The following PSKH1 variants were observed in gnomAD, a reference collection of about 807,000 sequenced individuals.
PSKH1 encodes protein serine kinase H1.
Under a neutral mutation model 26.7 loss-of-function variants are expected in PSKH1, and 12 were observed. The ratio of observed to expected loss-of-function variants is 0.45; its 90% confidence interval spans 0.29 to 0.73. The LOEUF is 0.73. Ranked by LOEUF, PSKH1 falls within the 30% of genes least tolerant of loss-of-function variation. The probability of loss-of-function intolerance (pLI) is 0.11; values close to 1 mark genes in which losing one functional copy is unlikely to be tolerated. For synonymous variants in PSKH1, 213 were observed against 234.3 expected, an observed-to-expected ratio of 0.91 and a Z score of 0.83; for missense variants, 431 against 595.2, an observed-to-expected ratio of 0.72 and a Z score of 2.87.
intron 1 of PSKH1, among the ~76,000 whole-genome samples, chr16:67,903,765 T>C (rs1314507867): frequency 6.6e-6 from 1 of 151,640 alleles, no homozygotes; most frequent in Non-Finnish European, 1.5e-5. Context: ...CTGTCCTCAT[T>C]CTTCCTTCCA....
intron 2 of PSKH1, among the ~76,000 whole-genome samples, chr16:67,912,453 C>A (rs16957597): frequency 0.046 from 7,065 of 152,230 alleles, 464 homozygotes; most frequent in African/African-American, 0.15. Context: ...TAAAGACAAG[C>A]CCCTTTATCC....
intron 1 of PSKH1, among the ~76,000 whole-genome samples, chr16:67,898,142 G>T (rs971061535): frequency 4.0e-5 from 6 of 151,774 alleles, no homozygotes; most frequent in Non-Finnish European, 7.4e-5. Context: ...AAGCCACCGC[G>T]CCCAGCCACA....
At chr16:67,906,073 A>T (rs988629803) in intron 1 of PSKH1, among the ~76,000 whole-genome samples, 12 of 147,382 alleles carry the variant, frequency 8.1e-5, no homozygotes, top group Middle Eastern at 3.6e-3. Context: ...ATTTGTCATA[A>T]TTTTTTTTTT....
chr16:67,927,519 G>A lies in PSKH1; in HGVS notation c.1152G>A (p.Gln384=). The change falls in exon 3 of 3, where the codon CAG becomes CAA. Residue 384 remains glutamine, a synonymous_variant. Transcript: ENST00000291041. The surrounding 1 kb of genome is among the most constrained non-coding windows in gnomAD (Gnocchi z 5.5). ...NLLKRASSRC[Q]STKSAQSTRS... ...TTAAACGTGCCTCCTCGCGCTGCCA[G>A]AGCACCAAATCTGCCCAGTCCACGC... 1 of 1,614,166 alleles carries A rather than the reference G, an allele frequency of 6.2e-7. No homozygotes were observed. Among genetic ancestry groups the A allele is most frequent in the Non-Finnish European group, 8.5e-7 (1 of 1,180,052 alleles).
At chr16:67,899,687 G>A (rs1313161086) in intron 1 of PSKH1, among the ~76,000 whole-genome samples, 1 of 151,140 alleles carries the variant, frequency 6.6e-6, no homozygotes, top group Non-Finnish European at 1.5e-5. Flanking sequence ...CTGCTCTGTT[G>A]CCCAGGCTGG....
At chr16:67,894,615 A>G (rs1377235966) in intron 1 of PSKH1, among the ~76,000 whole-genome samples, 1 of 152,166 alleles carries the variant, frequency 6.6e-6, no homozygotes, top group Non-Finnish European at 1.5e-5. Flanking sequence ...TAACTCCTCT[A>G]TATCCATGCT....
In PSKH1 at chr16:67,893,296, G is replaced by GGCGGCGGCGGCGGCC. The variant is rs1370849430; in HGVS notation, c.-138_-137insGGCGGCCGCGGCGGC. 3 of 163,928 alleles carry GGCGGCGGCGGCGGCC rather than the reference G, an allele frequency of 1.8e-5. No homozygotes were observed. The highest frequency in any genetic ancestry group is 3.9e-5 in the Non-Finnish European group (3 of 77,674). The allele number at this position is 163,928 out of a possible 1,614,324, so 10.2% of individuals were successfully genotyped here. On this transcript the variant is annotated 5_prime_UTR_variant, in exon 1 of 3. Transcript: ENST00000291041. ...CGAGAATGGCGGCGGCGGCGGCGGC[G>GGCGGCGGCGGCGGCC]GCGGCGGCCGCTGCCATTGCCCGGA...
chr16:67,894,124 G>C (rs1472140987), intron 1 of PSKH1, among the ~76,000 whole-genome samples: 3 of 152,138 alleles, frequency 2.0e-5, no homozygotes, highest in Admixed American at 6.5e-5. Flanking sequence ...AACGTGTGGC[G>C]CTCCTGTTAG....
At position 67,904,591 on chromosome 16, in the gene PSKH1, C is replaced by T. The variant is rs553076308; in HGVS notation, c.-70-4089C>T. Among the ~76,000 whole-genome samples the T allele has an allele frequency of 2.0e-5, 3 of 152,210 alleles. No individual in the cohort carries two copies. In the East Asian group the frequency reaches 5.8e-4, roughly 29 times the overall value. On this transcript the variant is annotated intron_variant, in intron 1 of 2. Coordinates refer to ENST00000291041, the MANE Select transcript of PSKH1 (RefSeq NM_006742.3). ...CCTACCTCAGGTGATTCGCCTGCCT[C>T]AGCCTCCCAAAGTGCTAGGATTACA...
intron 2 of PSKH1, among the ~76,000 whole-genome samples, chr16:67,913,213 CT>C (rs1349630797): frequency 1.3e-5 from 2 of 151,604 alleles, no homozygotes; most frequent in East Asian, 4.0e-4. Context: ...GGGGTGCGAT[CT>C]TGGCTCACTG....
At chr16:67,896,773 T>C (rs899468151) in intron 1 of PSKH1, among the ~76,000 whole-genome samples, 5 of 152,110 alleles carry the variant, frequency 3.3e-5, no homozygotes, top group Admixed American at 6.6e-5. Context: ...AAGCATATTG[T>C]CTAGGTCTAA....
intron 1 of PSKH1, among the ~76,000 whole-genome samples, chr16:67,902,350 G>A (rs1482815395): frequency 6.6e-6 from 1 of 152,038 alleles, no homozygotes; most frequent in Non-Finnish European, 1.5e-5. Context: ...ACCCAGGCTG[G>A]AGTACAGTGG....
intron 2 of PSKH1, among the ~76,000 whole-genome samples, chr16:67,916,739 C>A (rs982964170): frequency 6.6e-6 from 1 of 152,074 alleles, no homozygotes; most frequent in Admixed American, 6.5e-5. Flanking sequence ...GATCAGGGAT[C>A]CCAGGGAGTG....
intron 2 of PSKH1, among the ~76,000 whole-genome samples, chr16:67,917,048 G>A (rs1338053994): frequency 6.6e-6 from 1 of 152,164 alleles, no homozygotes; most frequent in Non-Finnish European, 1.5e-5. Flanking sequence ...TCCCAGTATC[G>A]GTCTTAGTTG....
intron 2 of PSKH1, among the ~76,000 whole-genome samples, chr16:67,914,267 G>C (rs1261881925): frequency 6.7e-6 from 1 of 148,668 alleles, no homozygotes; most frequent in African/African-American, 2.5e-5. Flanking sequence ...CTCCTGCCTC[G>C]GCCTCCCAAG....
At chr16:67,893,545 G>A (rs1417008750) in intron 1 of PSKH1, among the ~76,000 whole-genome samples, 174 bp downstream of exon 1, 2 of 152,264 alleles carry the variant, frequency 1.3e-5, no homozygotes, top group Non-Finnish European at 2.9e-5. Flanking sequence ...ATGGCTGCTC[G>A]GGTTCCCGGC....
chr16:67,899,872 C>T (rs2058137064), intron 1 of PSKH1, among the ~76,000 whole-genome samples: 1 of 151,462 alleles, frequency 6.6e-6, no homozygotes, highest in South Asian at 2.1e-4. Context: ...TGGTTTCAAA[C>T]TCATGACCTC....
At position 67,927,194 on chromosome 16, in the gene PSKH1, C is replaced by A. The variant is rs531546794; in HGVS notation, c.958-131C>A. Reference sequence around the variant, plus strand: ...CCTGAGCCAGCGTTGGGCGGGGAGGCCCCAAGTGCTACATGAGAGGAGGGG... The same window carrying A: ...CCTGAGCCAGCGTTGGGCGGGGAGGACCCAAGTGCTACATGAGAGGAGGGG... On this transcript the variant is annotated intron_variant, in intron 2 of 2. Transcript: ENST00000291041. This position sits in a 1 kb window ranked among gnomAD's most constrained non-coding sequence, Gnocchi z 5.5. 2 of 916,518 alleles carry A rather than the reference C, an allele frequency of 2.2e-6. No homozygotes were observed. The highest frequency in any genetic ancestry group is 3.3e-6 in the Non-Finnish European group (2 of 603,454). 56.8% of individuals were successfully genotyped at this position (916,518 alleles called of 1,614,324 possible).
chr16:67,895,531 C>T (rs2058124031), intron 1 of PSKH1, among the ~76,000 whole-genome samples: 1 of 152,016 alleles, frequency 6.6e-6, no homozygotes. Flanking sequence ...GCCTCAGCCT[C>T]CCGAGTAGCT....
Sources: gnomAD v4.1 joint callset for allele counts (sites outside exome capture counted in the v4.1 genomes callset) on GRCh38, gnomAD v4.1.1 for gene constraint, Gnocchi (gnomAD v3.1) non-coding constraint, MANE v1.5 for transcripts, NCBI Gene and HGNC (gene_info 2026-07-23, HGNC 2026-07-21) for gene names.